SORCS2: variants seen among roughly 807,000 people sequenced by gnomAD.
SORCS2 encodes VPS10 domain-containing receptor SorCS2.
Under a neutral mutation model 141.6 loss-of-function variants are expected in SORCS2, and 100 were observed. That is an observed-to-expected ratio of 0.71 (90% CI 0.60 to 0.83). The LOEUF is 0.83. SORCS2 is among the 40% of genes least tolerant of loss of function. SORCS2 has a pLI of 0.00. For missense variants in SORCS2, 1,646 were observed against 1,560.2 expected (o/e 1.05, Z -0.93); for synonymous variants, 789 against 676.9 (o/e 1.17, Z -2.57).
intron 21 of SORCS2, among the ~76,000 whole-genome samples, chr4:7,727,252 C>A (rs1727284537): frequency 6.6e-6 from 1 of 152,230 alleles, no homozygotes; most frequent in Non-Finnish European, 1.5e-5. Flanking sequence ...CCTCTTGGCA[C>A]CTCTGGCCAA....
chr4:7,503,086 GCTGGGGAATATAT>G (rs896230445), intron 2 of SORCS2, among the ~76,000 whole-genome samples: 37 of 152,190 alleles, frequency 2.4e-4, no homozygotes, highest in African/African-American at 8.4e-4. Flanking sequence ...GTGCACAGGG[GCTGGGGAATATAT>G]CTGGGGAATA....
At chr4:7,266,524 G>A (rs138907058) in intron 1 of SORCS2, among the ~76,000 whole-genome samples, 123 of 152,260 alleles carry the variant, frequency 8.1e-4, no homozygotes, top group African/African-American at 2.8e-3. Flanking sequence ...AGATCATTTG[G>A]GAACAGTAGT....
At chr4:7,458,347 G>A (rs949104799) in intron 2 of SORCS2, among the ~76,000 whole-genome samples, 4 of 152,134 alleles carry the variant, frequency 2.6e-5, no homozygotes, top group Admixed American at 6.5e-5. Flanking sequence ...GTGCCTCAGC[G>A]GAGCAGGGCT....
chr4:7,481,973 C>T (rs1197772198), intron 2 of SORCS2, among the ~76,000 whole-genome samples: 1 of 117,976 alleles, frequency 8.5e-6, no homozygotes, highest in African/African-American at 3.0e-5. Flanking sequence ...TGACGCTGTT[C>T]AGACCTGTAT....
At chr4:7,576,790 A>G (rs28406320) in intron 3 of SORCS2, among the ~76,000 whole-genome samples, 2,096 of 152,324 alleles carry the variant, frequency 0.014, 50 homozygotes, top group African/African-American at 0.048. Context: ...TCAAGCGGCC[A>G]CAGGGGCCAG....
At chr4:7,527,431 C>T (rs996028404) in intron 2 of SORCS2, among the ~76,000 whole-genome samples, 2 of 152,182 alleles carry the variant, frequency 1.3e-5, no homozygotes, top group African/African-American at 2.4e-5. Context: ...GAGGCTGTGA[C>T]GGGAAGCAGA....
intron 3 of SORCS2, among the ~76,000 whole-genome samples, chr4:7,562,944 T>C (rs945434298): frequency 6.6e-6 from 1 of 152,228 alleles, no homozygotes; most frequent in African/African-American, 2.4e-5. Context: ...TAATTATATC[T>C]GCAAAGTCTC....
intron 3 of SORCS2, among the ~76,000 whole-genome samples, chr4:7,607,605 C>T (rs1034472973): frequency 2.6e-5 from 4 of 152,180 alleles, no homozygotes; most frequent in African/African-American, 7.2e-5. Context: ...GATTGGGGCT[C>T]ATGGAAGGAA....
intron 1 of SORCS2, among the ~76,000 whole-genome samples, chr4:7,196,528 C>T (rs187745762): frequency 1.3e-3 from 199 of 152,266 alleles, no homozygotes; most frequent in African/African-American, 4.5e-3. Context: ...TATCATTTGA[C>T]TTGAACGTGA....
intron 2 of SORCS2, among the ~76,000 whole-genome samples, chr4:7,470,561 A>C (rs1729911850): frequency 6.6e-6 from 1 of 152,212 alleles, no homozygotes; most frequent in Non-Finnish European, 1.5e-5. Context: ...CTATTCTAGG[A>C]AGGAGAACCC....
chr4:7,475,544 G>A (rs1730239133), intron 2 of SORCS2, among the ~76,000 whole-genome samples: 1 of 152,196 alleles, frequency 6.6e-6, no homozygotes. Flanking sequence ...CAGCCCAGCT[G>A]CCCCCCTCCT....
chr4:7,306,561 C>T (rs929925714), intron 1 of SORCS2, among the ~76,000 whole-genome samples: 3 of 152,108 alleles, frequency 2.0e-5, no homozygotes, highest in Admixed American at 6.5e-5. Flanking sequence ...GTTGTCTAAG[C>T]GACACTCTAA....
At chr4:7,257,966 A>G (rs1203553086) in intron 1 of SORCS2, among the ~76,000 whole-genome samples, 1 of 152,080 alleles carries the variant, frequency 6.6e-6, no homozygotes, top group Non-Finnish European at 1.5e-5. Context: ...CCACAGCTCC[A>G]CTGGCCAGCC....
chr4:7,487,080 AG>A (rs911904370), intron 2 of SORCS2, among the ~76,000 whole-genome samples: 3 of 152,048 alleles, frequency 2.0e-5, no homozygotes, highest in African/African-American at 7.2e-5. Context: ...TACCTCTCCG[AG>A]GGCCAGCCCT....
intron 1 of SORCS2, among the ~76,000 whole-genome samples, chr4:7,285,553 A>C (rs1315750543): frequency 1.3e-5 from 2 of 152,188 alleles, no homozygotes; most frequent in African/African-American, 4.8e-5. Context: ...CCTCCCTGGA[A>C]GACATGGCCT....
At chr4:7,486,602 C>T (rs968886728) in intron 2 of SORCS2, among the ~76,000 whole-genome samples, 1 of 152,220 alleles carries the variant, frequency 6.6e-6, no homozygotes, top group Non-Finnish European at 1.5e-5. Context: ...TGACCCCAGA[C>T]CTGACTGCTT....
intron 4 of SORCS2, among the ~76,000 whole-genome samples, chr4:7,643,153 G>A (rs901901433): frequency 2.6e-5 from 4 of 152,068 alleles, no homozygotes; most frequent in Admixed American, 2.0e-4. Flanking sequence ...CCTTATCCTC[G>A]TTATAATTTG....
rs371060680 is a variant in SORCS2 at position 7,667,232 on chromosome 4, C to T, written c.1161+19C>T. 136 of 1,610,696 alleles carry T rather than the reference C, an allele frequency of 8.4e-5. No homozygotes were observed. Among genetic ancestry groups the T allele is most frequent in the Middle Eastern group, 3.3e-4 (2 of 6,056 alleles). On this transcript the variant is annotated intron_variant, in intron 8 of 26. Coordinates refer to ENST00000507866, the MANE Select transcript of SORCS2 (RefSeq NM_020777.3). Reference sequence around the variant, plus strand: ...GCCAAAGGTAAGGTGCTCCCCATTCCGCCTGGTCCTGTGGCCAGACCCTAA... The same window carrying T: ...GCCAAAGGTAAGGTGCTCCCCATTCTGCCTGGTCCTGTGGCCAGACCCTAA...
intron 2 of SORCS2, among the ~76,000 whole-genome samples, chr4:7,527,547 C>T (rs1733773010): frequency 6.6e-6 from 1 of 152,192 alleles, no homozygotes; most frequent in South Asian, 2.1e-4. Flanking sequence ...CTGGAGCTTC[C>T]AGGAGGTGCC....
Sources: gnomAD v4.1 joint callset for allele counts (sites outside exome capture counted in the v4.1 genomes callset) on GRCh38, gnomAD v4.1.1 for gene constraint, MANE v1.5 for transcripts, NCBI Gene and HGNC (gene_info 2026-07-23, HGNC 2026-07-21) for gene names.